Variants in GABRE observed in about 807,000 individuals in gnomAD.
GABRE encodes the protein gamma-aminobutyric acid type A receptor subunit epsilon, also known as gamma-aminobutyric acid receptor subunit epsilon.
Under a neutral mutation model 31.0 loss-of-function variants are expected in GABRE, and 20 were observed. The ratio of observed to expected loss-of-function variants is 0.64; its 90% CI spans 0.45 to 0.94. GABRE has a LOEUF of 0.94. Among genes scored for constraint, GABRE ranks in the 40% least tolerant of loss-of-function variants. The pLI is 0.00. For synonymous variants in GABRE, 155 were observed against 150.6 expected, an observed-to-expected ratio of 1.03 and a Z score of -0.21; for missense variants, 420 against 410.7, an observed-to-expected ratio of 1.02 and a Z score of -0.20.
At chrX:151,966,996 T>A (rs1478454066) in intron 3 of GABRE, among the ~76,000 whole-genome samples, 3 of 111,864 alleles carry the variant, frequency 2.7e-5, no homozygotes, top group African/African-American at 9.8e-5. Flanking sequence ...GGGCTACTGC[T>A]CTGCTACAAG....
At position 151,962,619 on chromosome X, in the gene GABRE, A is replaced by G. The variant is rs1934418803; in HGVS notation, c.367T>C (p.Ser123Pro). ...DMEYTIDIIF[S>P]QTWYDERLCY... Reference sequence around the variant, plus strand: ...AGGCGTTCGTCGTACCAGGTCTGGGAGAAGATGATGTCAATGGTGTATTCC... The same window carrying G: ...AGGCGTTCGTCGTACCAGGTCTGGGGGAAGATGATGTCAATGGTGTATTCC... The change falls in exon 4 of 9, where the codon TCC (serine) becomes CCC (proline). Residue 123 changes from serine to proline, a missense_variant. Ser to Pro is a moderately conservative substitution (Grantham distance 74, BLOSUM62 -1). Coordinates refer to ENST00000370328, the MANE Select transcript of GABRE (RefSeq NM_004961.4). 2.1e-5 allele frequency: 25 copies of G among 1,207,673 alleles called. No homozygotes were observed. Among genetic ancestry groups the G allele is most frequent in the Non-Finnish European group, 2.7e-5 (24 of 893,324 alleles).
intron 3 of GABRE, among the ~76,000 whole-genome samples, chrX:151,963,305 T>C (rs746172506): frequency 1.2e-4 from 14 of 112,215 alleles, no homozygotes; most frequent in Non-Finnish European, 2.1e-4. Context: ...GGGTAGACAT[T>C]CATGACTAAA....
chrX:151,960,916 G>A (rs1480265725), intron 5 of GABRE, among the ~76,000 whole-genome samples: 3 of 111,888 alleles, frequency 2.7e-5, no homozygotes, highest in African/African-American at 9.8e-5. Context: ...GAACCCAGAA[G>A]CAACACACTT....
At chrX:151,965,947 CT>C (rs1222959982) in intron 3 of GABRE, among the ~76,000 whole-genome samples, 7 of 112,356 alleles carry the variant, frequency 6.2e-5, no homozygotes, top group South Asian at 3.7e-4. Flanking sequence ...CCACAAATGT[CT>C]TCCAAGTGTT....
At chrX:151,963,607 G>C (rs1480617732) in intron 3 of GABRE, among the ~76,000 whole-genome samples, 1 of 112,340 alleles carries the variant, frequency 8.9e-6, no homozygotes, top group Non-Finnish European at 1.9e-5. Context: ...GACACTACTG[G>C]ATAAAACTGA....
Position 151,962,514 on chromosome X carries a change from T to TA in GABRE, c.471dup (p.Arg158Ter), listed in dbSNP as rs1569454387. 8.3e-7 allele frequency: 1 copy of TA among 1,210,943 alleles called. No homozygotes were observed. The highest frequency in any genetic ancestry group is 3.0e-5 in the East Asian group (1 of 33,797). ...TGCTCGTGGGTCCTCTTAGAATTCCTAAAAAAGGTGTCCGGGATCCATAGC... is the reference window on the plus strand; with the variant it reads ...TGCTCGTGGGTCCTCTTAGAATTCCTAAAAAAAGGTGTCCGGGATCCATAGC... On this transcript the variant is annotated frameshift_variant, in exon 4 of 9. Coordinates refer to ENST00000370328, the MANE Select transcript of GABRE (RefSeq NM_004961.4). LOFTEE classifies it high-confidence loss of function.
At chrX:151,961,620 C>G (rs921507149) in intron 4 of GABRE, among the ~76,000 whole-genome samples, 3 of 110,960 alleles carry the variant, frequency 2.7e-5, no homozygotes, top group African/African-American at 9.9e-5. Context: ...CCAGCACACC[C>G]TGCTAATTTT....
At chrX:151,963,176 C>A (rs112104643) in intron 3 of GABRE, among the ~76,000 whole-genome samples, 487 of 111,982 alleles carry the variant, frequency 4.3e-3, no homozygotes, top group African/African-American at 0.014. Flanking sequence ...TTTAATGGGG[C>A]ATTTCTTATT....
In GABRE at chrX:151,954,386, G is replaced by A. The variant is rs978000827; in HGVS notation, c.*315C>T. On this transcript the variant is annotated 3_prime_UTR_variant, in exon 9 of 9. Coordinates refer to ENST00000370328, the MANE Select transcript of GABRE (RefSeq NM_004961.4). ...AAGATAGCTAATCCGCCTGTACTTA[G>A]GCATGGTTTTAGGGAGCTGATCACT... 2 of 223,934 alleles carry A rather than the reference G, an allele frequency of 8.9e-6. No homozygotes were observed. Among genetic ancestry groups the A allele is most frequent in the Admixed American group, 6.5e-5 (1 of 15,452 alleles). 18.5% of individuals were successfully genotyped at this position (223,934 alleles called of 1,213,427 possible).
At position 151,955,431 on chromosome X, in the gene GABRE, A is replaced by G. The variant is rs778735662; in HGVS notation, c.1074T>C (p.Phe358=). Residue 358 remains phenylalanine, a synonymous_variant, in exon 8 of 9, where the codon TTT becomes TTC. Coordinates refer to ENST00000370328, the MANE Select transcript of GABRE (RefSeq NM_004961.4). ...FVFCFCALLE[F]AVLNFLIYNQ... ...TGTAGATCAGGAAGTTGAGCACAGC[A>G]AACTCCAACAGAGCGCAGAAGCAGA... 14 of 1,210,598 alleles carry G rather than the reference A, an allele frequency of 1.2e-5. No homozygotes were observed. The highest frequency in any genetic ancestry group is 3.0e-5 in the East Asian group (1 of 33,763).
At chrX:151,956,138 G>A (rs753271383) in intron 6 of GABRE, 12 of 319,530 alleles carry the variant, frequency 3.8e-5, no homozygotes, top group Non-Finnish European at 6.0e-5. Flanking sequence ...CTGCAGGTTG[G>A]CAAGAGAGTC....
chrX:151,970,705 T>C (rs930480591), intron 1 of GABRE, among the ~76,000 whole-genome samples: 3 of 112,016 alleles, frequency 2.7e-5, no homozygotes, highest in Non-Finnish European at 5.6e-5. Flanking sequence ...GAAGAGGGCA[T>C]TTATGTCTGA....
chrX:151,973,771 G>C (rs773690501), intron 1 of GABRE, among the ~76,000 whole-genome samples: 4 of 111,982 alleles, frequency 3.6e-5, no homozygotes, highest in Non-Finnish European at 7.5e-5. Flanking sequence ...AGGGAAGATG[G>C]TTGTTCAAGG....
chrX:151,973,176 C>T (rs893344509), intron 1 of GABRE, among the ~76,000 whole-genome samples: 3 of 110,825 alleles, frequency 2.7e-5, no homozygotes, highest in African/African-American at 9.9e-5. Context: ...TTCAGTGTGG[C>T]CCAGTACACC....
At chrX:151,972,609 A>G (rs958967678) in intron 1 of GABRE, 11 of 751,272 alleles carry the variant, frequency 1.5e-5, no homozygotes, top group Non-Finnish European at 1.7e-5. Context: ...ATAAACCTGA[A>G]AGCACTGAGA....
chrX:151,972,759 A>C, intron 1 of GABRE: 1 of 546,744 alleles, frequency 1.8e-6, no homozygotes, highest in Non-Finnish European at 2.2e-6. Context: ...ACAAAACCTC[A>C]TCTTGAGGTC....
chrX:151,956,777 A>G (rs1273004537), intron 6 of GABRE: 4 of 112,157 alleles, frequency 3.6e-5, no homozygotes, highest in African/African-American at 1.3e-4. Context: ...TCACTTGGAC[A>G]TTGTGTCCTT....
chrX:151,959,117 T>C (rs947189729), intron 6 of GABRE: 3 of 317,280 alleles, frequency 9.5e-6, no homozygotes, highest in African/African-American at 8.1e-5. Flanking sequence ...GGAGCTACCC[T>C]GGGGAGGTCC....
chrX:151,955,227 A>G, intron 8 of GABRE, 141 bp downstream of exon 8: 1 of 1,181,148 alleles, frequency 8.5e-7, no homozygotes, highest in Non-Finnish European at 1.1e-6. Flanking sequence ...TACATCAGGA[A>G]GTTGATTCAA....
Sources: gnomAD v4.1 joint callset for allele counts (sites outside exome capture counted in the v4.1 genomes callset) on GRCh38, gnomAD v4.1.1 for gene constraint, MANE v1.5 for transcripts, NCBI Gene and HGNC (gene_info 2026-07-23, HGNC 2026-07-21) for gene names.